The following HSPA5 variants were observed in gnomAD, a reference collection of about 807,000 sequenced individuals.
HSPA5 encodes the protein endoplasmic reticulum chaperone BiP.
HSPA5 carries 16 observed loss-of-function variants against 49.5 expected under a neutral mutation model. The ratio of observed to expected loss-of-function variants is 0.32; its 90% confidence interval spans 0.22 to 0.49. The LOEUF (loss-of-function observed/expected upper bound fraction) is 0.49. Among genes scored for constraint, HSPA5 ranks in the 20% least tolerant of loss-of-function variants. The pLI, the probability that HSPA5 is intolerant of heterozygous loss-of-function variation, is 0.99. For synonymous variants in HSPA5, 271 were observed against 307.2 expected (o/e 0.88, Z 1.23); for missense variants, 376 against 819.0 (o/e 0.46, Z 6.60).
At position 125,238,803 on chromosome 9, in the gene HSPA5, G is replaced by A; in HGVS notation, c.1021C>T (p.Pro341Ser). 1 of 1,614,050 alleles carries A rather than the reference G, an allele frequency of 6.2e-7. No individual in the cohort carries two copies. Among genetic ancestry groups the A allele is most frequent in the Middle Eastern group, 1.6e-4 (1 of 6,062 alleles). ...NMDLFRSTMK[P>S]VQKVLEDSDL... ...GAATCTTCCAACACTTTCTGGACGGGCTTCATAGTAGACCGGAACAGATCC... is the reference window on the plus strand; with the variant it reads ...GAATCTTCCAACACTTTCTGGACGGACTTCATAGTAGACCGGAACAGATCC... Residue 341 changes from proline (P) to serine (S), a missense_variant, in exon 6 of 8, where the codon CCC becomes TCC. Pro to Ser is a moderately conservative substitution (Grantham distance 74). This residue lies in a region of HSPA5 where 89 missense variants were observed against 155.9 expected (regional missense o/e 0.57). Coordinates refer to ENST00000324460, the MANE Select transcript of HSPA5 (RefSeq NM_005347.5).
In HSPA5 at chr9:125,239,360, G is replaced by A; in HGVS notation, c.606-29C>T. The A allele has an allele frequency of 1.9e-6, 3 of 1,612,778 alleles. No individual in the cohort carries two copies. Among genetic ancestry groups the A allele is most frequent in the Non-Finnish European group, 2.5e-6 (3 of 1,178,800 alleles). On this transcript the variant is annotated intron_variant, in intron 4 of 7. Coordinates refer to ENST00000324460, the MANE Select transcript of HSPA5 (RefSeq NM_005347.5). The surrounding 1 kb of genome is among the most constrained non-coding windows in gnomAD (Gnocchi z 5.5). ...TTAGATTGAAAAAGGGAAAAGTTTT[G>A]TCAGTACTTCACATTTCCACTATTT...
intron 6 of HSPA5, 138 bp downstream of exon 6, chr9:125,238,452 C>A: frequency 1.0e-6 from 1 of 958,080 alleles, no homozygotes; most frequent in East Asian, 2.5e-5. Flanking sequence ...TGAGACTACC[C>A]CAGTCTTGTC....
rs1276176243 is a variant in HSPA5 at position 125,235,251 on chromosome 9, G to C, written c.*1341C>G. On this transcript the variant is annotated 3_prime_UTR_variant, in exon 8 of 8. Transcript: ENST00000324460. ...AGGTGGAGTCTCACTCTTGTCGCCA[G>C]GCTGGAGTGCCGGGCTGGAGTACAG... 2.0e-5 allele frequency: 3 copies of C among 151,144 alleles called. No individual in the cohort carries two copies. Among genetic ancestry groups the C allele is most frequent in the African/African-American group, 7.3e-5 (3 of 41,046 alleles). 9.4% of individuals were successfully genotyped at this position (151,144 alleles called of 1,614,324 possible).
Position 125,240,283 on chromosome 9 carries a change from G to A in HSPA5, c.381C>T (p.Tyr127=), listed in dbSNP as rs1376744573. 3.7e-6 allele frequency: 6 copies of A among 1,607,284 alleles called. No individual in the cohort carries two copies. The Admixed American group carries it at 5.1e-5, about 14-fold the overall frequency. The part of the protein sequence containing the change: ...FKVVEKKTKP[Y]IQVDIGGGQT... The stretch of plus-strand genomic sequence containing the variant: ...GCCCACCTCCAATATCAACTTGAAT[G>A]TATGGTTTAGTTTTCTTTTCAACCA... The change falls in exon 3 of 8, where the codon TAC becomes TAT. Residue 127 remains tyrosine, a synonymous_variant. Transcript: ENST00000324460. This position sits in a 1 kb window ranked among gnomAD's most constrained non-coding sequence, Gnocchi z 4.4.
chr9:125,241,146 G>C lies in HSPA5; in HGVS notation c.-20C>G, dbSNP rs1247366137. ...CTTCATCTTGCCAGCCAGTTGGGCA[G>C]CAGCAGGCAGTCCAGCCACAGGCCG... On this transcript the variant is annotated 5_prime_UTR_variant, in exon 1 of 8. Transcript: ENST00000324460. The C allele has an allele frequency of 6.2e-7, 1 of 1,606,472 alleles. No homozygotes were observed. Among genetic ancestry groups the C allele is most frequent in the Non-Finnish European group, 8.5e-7 (1 of 1,177,272 alleles).
intron 7 of HSPA5, 144 bp from the exon 8 acceptor site, chr9:125,237,298 A>C: frequency 1.6e-6 from 1 of 628,592 alleles, no homozygotes; most frequent in South Asian, 2.0e-5. Context: ...TACAAGGAGC[A>C]GCAACTAGTA....
chr9:125,236,141 T>C lies in HSPA5; in HGVS notation c.*451A>G, dbSNP rs1832490693. 1 of 152,884 alleles carries C rather than the reference T, an allele frequency of 6.5e-6. No individual in the cohort carries two copies. The highest frequency in any genetic ancestry group is 1.4e-5 in the Non-Finnish European group (1 of 69,400). 9.5% of individuals were successfully genotyped at this position (152,884 alleles called of 1,614,324 possible). A position where few individuals can be genotyped will look rare whatever the true frequency, so the allele number is the denominator to read the frequency against. On this transcript the variant is annotated 3_prime_UTR_variant, in exon 8 of 8. Transcript: ENST00000324460. ...ATAGAAGTGTTTCCTTATCCCAACATACCAAATACTCCCTCCCCTCACCCC... is the reference window on the plus strand; with the variant it reads ...ATAGAAGTGTTTCCTTATCCCAACACACCAAATACTCCCTCCCCTCACCCC...
intron 7 of HSPA5, 60 bp from the exon 8 acceptor site, chr9:125,237,214 A>T (rs1197442491): frequency 7.4e-5 from 90 of 1,215,272 alleles, no homozygotes; most frequent in Non-Finnish European, 9.4e-5. Context: ...GCACATCTAG[A>T]TCCCCGCATT....
At chr9:125,238,013 A>G in intron 7 of HSPA5, 128 bp downstream of exon 7, 2 of 682,176 alleles carry the variant, frequency 2.9e-6, no homozygotes, top group Non-Finnish European at 5.1e-6. Context: ...GAGGCAGGAG[A>G]ATCACTTGAA....
At chr9:125,237,280 T>C in intron 7 of HSPA5, 126 bp from the exon 8 acceptor site, 1 of 673,954 alleles carries the variant, frequency 1.5e-6, no homozygotes, top group Non-Finnish European at 2.6e-6. Flanking sequence ...AGTAATTTCA[T>C]ATTGGTCTAC....
rs752211105 is a variant in HSPA5, at chr9:125,241,062, T to C, written c.65A>G (p.Asp22Gly). The C allele has an allele frequency of 2.7e-5, 43 of 1,613,734 alleles. No individual in the cohort carries two copies. Among genetic ancestry groups the C allele is most frequent in the Non-Finnish European group, 3.6e-5 (43 of 1,179,974 alleles). The change falls in exon 1 of 8, where the codon GAC (aspartate) becomes GGC (glycine). Residue 22 changes from aspartate (D) to glycine (G), a missense_variant. Asp to Gly is a moderately conservative substitution (Grantham distance 94). This residue lies in a region of HSPA5 where 29 missense variants were observed against 38.7 expected (regional missense o/e 0.75). Transcript: ENST00000324460. ...CACCGTGCCCACGTCCTCCTTCTTGTCCTCCTCCTCGGCCCGCGCCGCGCT... is the reference window on the plus strand; with the variant it reads ...CACCGTGCCCACGTCCTCCTTCTTGCCCTCCTCCTCGGCCCGCGCCGCGCT... ...LLSAARAEEE[D>G]KKEDVGTVVG...
Position 125,239,556 on chromosome 9 carries a change from A to G in HSPA5, c.493-23T>C, listed in dbSNP as rs1432247471. 1 of 1,551,470 alleles carries G rather than the reference A, an allele frequency of 6.4e-7. No individual in the cohort carries two copies. Among genetic ancestry groups the G allele is most frequent in the African/African-American group, 1.4e-5 (1 of 73,716 alleles). On this transcript the variant is annotated intron_variant, in intron 3 of 7. Transcript: ENST00000324460. The surrounding 1 kb of genome is among the most constrained non-coding windows in gnomAD (Gnocchi z 5.5). ...AACCTAAAAGGATAAAAGATAATTAAGTGTATTGTCACATAGTTTAACCCT... is the reference window on the plus strand; with the variant it reads ...AACCTAAAAGGATAAAAGATAATTAGGTGTATTGTCACATAGTTTAACCCT...
At position 125,237,051 on chromosome 9, in the gene HSPA5, C is replaced by T. The variant is rs1832507798; in HGVS notation, c.1506G>A (p.Glu502=). The change falls in exon 8 of 8, where the codon GAG becomes GAA. Residue 502 remains glutamate, a synonymous_variant. Transcript: ENST00000324460. ...RGVPQIEVTF[E]IDVNGILRVT... ...CTCGAAGAATACCATTCACATCTAT[C>T]TCAAAGGTGACTTCAATCTGTGGGA... is the stretch of plus-strand genomic sequence containing the variant. The T allele has an allele frequency of 1.9e-6, 3 of 1,613,570 alleles. No individual in the cohort carries two copies.
In HSPA5 at chr9:125,236,065, C is replaced by T. The variant is rs1157221086; in HGVS notation, c.*527G>A. On this transcript the variant is annotated 3_prime_UTR_variant, in exon 8 of 8. Transcript: ENST00000324460. ...CTGGGAGACTGAGGTGGAAGGATCA[C>T]TTGGGCCCAGGAGGGTTAAAAAAAA... 7.4e-6 allele frequency: 1 copy of T among 135,472 alleles called. No individual in the cohort carries two copies. Among genetic ancestry groups the T allele is most frequent in the African/African-American group, 2.9e-5 (1 of 33,934 alleles). The allele number at this position is 135,472 out of a possible 1,614,324, so 8.4% of individuals were successfully genotyped here.
rs1482398176 is a variant in HSPA5 at position 125,238,695 on chromosome 9, C to G, written c.1129G>C (p.Glu377Gln). The G allele has an allele frequency of 6.2e-7, 1 of 1,614,174 alleles. No homozygotes were observed. ...GATGGTTCCTTGCCATTGAAGAACT[C>G]TTTAACCAGTTGCTGAATCTTTGGA... ...RIPKIQQLVK[E>Q]FFNGKEPSRG... is the part of the protein sequence containing the mutation. Residue 377 changes from glutamate to glutamine, a missense_variant, in exon 6 of 8, where the codon GAG (glutamate) becomes CAG (glutamine). By Grantham distance (29) the Glu-to-Gln change is conservative. This residue lies in a region of HSPA5 where 89 missense variants were observed against 155.9 expected (regional missense o/e 0.57). Transcript: ENST00000324460.
rs756711117 is a variant in HSPA5, at chr9:125,238,125, A to T, written c.1402+16T>A. ...TCAAAAAAAAAGCCATGATATTAAC[A>T]AACTTAAGTAATTACCTTCATAGAC... On this transcript the variant is annotated intron_variant, in intron 7 of 7. Transcript: ENST00000324460. 1.2e-6 allele frequency: 2 copies of T among 1,605,802 alleles called. No individual in the cohort carries two copies. Among genetic ancestry groups the T allele is most frequent in the Non-Finnish European group, 1.7e-6 (2 of 1,174,472 alleles).
At chr9:125,238,367 T>A (rs947766569) in intron 6 of HSPA5, 59 bp from the exon 7 acceptor site, 22 of 1,457,538 alleles carry the variant, frequency 1.5e-5, no homozygotes, top group Non-Finnish European at 2.1e-5. Flanking sequence ...TATGTAAAGT[T>A]TATCTCTCTA....
chr9:125,236,630 T>C lies in HSPA5; in HGVS notation c.1927A>G (p.Thr643Ala). 3.1e-6 allele frequency: 5 copies of C among 1,610,244 alleles called. No homozygotes were observed. The African/African-American group carries it at 4.0e-5, about 13-fold the overall frequency. ...KLYGSAGPPP[T>A]GEEDTAEKDE... Reference sequence around the variant, plus strand: ...TTTTCTGCTGTATCCTCTTCACCAGTTGGGGGAGGGCCTGCACTTCCATAG... The same window carrying C: ...TTTTCTGCTGTATCCTCTTCACCAGCTGGGGGAGGGCCTGCACTTCCATAG... The change falls in exon 8 of 8, where the codon ACT becomes GCT. Residue 643 changes from threonine (T) to alanine (A), a missense_variant. Physicochemically the swap from Thr to Ala is moderately conservative, Grantham distance 58. This residue lies in a region of HSPA5 where 72 missense variants were observed against 87.8 expected (regional missense o/e 0.82). Transcript: ENST00000324460.
chr9:125,240,446 T>A lies in HSPA5; in HGVS notation c.355-137A>T. ...TTGACTAGAAATACTTCAGGGAGTA[T>A]AGGTGTCTTACAAAGTTCAGTTTTA... On this transcript the variant is annotated intron_variant, in intron 2 of 7. Transcript: ENST00000324460. The surrounding 1 kb of genome is among the most constrained non-coding windows in gnomAD (Gnocchi z 4.4). 1.3e-6 allele frequency: 1 copy of A among 788,520 alleles called. No individual in the cohort carries two copies. Among genetic ancestry groups the A allele is most frequent in the East Asian group, 2.6e-5 (1 of 37,826 alleles). 48.8% of individuals were successfully genotyped at this position (788,520 alleles called of 1,614,324 possible). A position where few individuals can be genotyped will look rare whatever the true frequency, so the allele number is the denominator to read the frequency against.
Sources: allele counts gnomAD v4.1 joint callset, GRCh38; gene constraint gnomAD v4.1.1; regional missense constraint gnomAD v4.1.1; non-coding constraint Gnocchi (gnomAD v3.1); transcripts MANE v1.5; gene names NCBI Gene and HGNC (gene_info 2026-07-23, HGNC 2026-07-21).